Variants in TEP1 observed in about 807,000 individuals in gnomAD.
The protein encoded by TEP1 is telomerase protein component 1.
In TEP1, 241 loss-of-function variants were observed where a neutral mutation model predicts 306.3. The ratio of observed to expected loss-of-function variants is 0.79; its 90% confidence interval spans 0.71 to 0.88. TEP1 has a LOEUF of 0.88. Among genes scored for constraint, TEP1 ranks in the 40% least tolerant of loss-of-function variants. TEP1 has a pLI of 0.00. For synonymous variants in TEP1, 1,289 were observed against 1,305.5 expected (o/e 0.99, Z 0.27); for missense variants, 3,051 against 3,276.1 (o/e 0.93, Z 1.68).
At chr14:20,407,815 G>A (rs1879300965) in intron 2 of TEP1, 58 bp downstream of exon 2, 3 of 1,408,760 alleles carry the variant, frequency 2.1e-6, no homozygotes, top group Non-Finnish European at 2.9e-6. Context: ...CTGAAAGCTA[G>A]AGACAAGAGC....
At chr14:20,404,162 C>G (rs1409812366) in intron 5 of TEP1, among the ~76,000 whole-genome samples, 3 of 152,236 alleles carry the variant, frequency 2.0e-5, no homozygotes, top group Admixed American at 6.5e-5. Context: ...CAAGACCAGC[C>G]TGGCCATCAT....
chr14:20,393,148 T>C (rs774490945), intron 12 of TEP1, among the ~76,000 whole-genome samples: 43 of 150,606 alleles, frequency 2.9e-4, no homozygotes, highest in Admixed American at 9.3e-4. Context: ...ACCCAGGAGG[T>C]GGAGCTTGCA....
rs1375516141 is a variant in TEP1, at chr14:20,365,844, CA to C, written c.*2592del. The C allele has an allele frequency of 6.6e-6, 1 of 152,160 alleles. No individual in the cohort carries two copies. Among genetic ancestry groups the C allele is most frequent in the Non-Finnish European group, 1.5e-5 (1 of 68,022 alleles). The allele number at this position is 152,160 out of a possible 1,614,324, so 9.4% of individuals were successfully genotyped here. The stretch of plus-strand genomic sequence containing the variant: ...GTACCTCTGCTCTAGATTTCAAAAA[CA>C]GATGTGGATATATGTGTAAAAATTT... On this transcript the variant is annotated 3_prime_UTR_variant, in exon 55 of 55. Transcript: ENST00000262715.
intron 8 of TEP1, 76 bp downstream of exon 8, chr14:20,401,381 T>C: frequency 6.3e-7 from 1 of 1,585,206 alleles, no homozygotes; most frequent in Non-Finnish European, 8.6e-7. Flanking sequence ...TGAGAACTAC[T>C]GGGATGGGGG....
chr14:20,380,451 TG>T lies in TEP1; in HGVS notation c.4786del (p.Gln1596LysfsTer15). 6.2e-7 allele frequency: 1 copy of T among 1,613,700 alleles called. No individual in the cohort carries two copies. The highest frequency in any genetic ancestry group is 8.5e-7 in the Non-Finnish European group (1 of 1,179,962). ...LYASSVPKEE[Q>X]KLPEADVAVF... The stretch of plus-strand genomic sequence containing the variant: ...TGCAACGTCAGCCTCGGGGAGCTTT[TG>T]TTCCTCTTTGGGGACTGAAGAAGCT... On this transcript the variant is annotated frameshift_variant, in exon 34 of 55. Coordinates refer to ENST00000262715, the MANE Select transcript of TEP1 (RefSeq NM_007110.5). LOFTEE classifies it high-confidence loss of function.
Position 20,386,215 on chromosome 14 carries a change from G to GA in TEP1, c.2862-21dup, listed in dbSNP as rs1194676968. 4 of 1,613,708 alleles carry GA rather than the reference G, an allele frequency of 2.5e-6. No individual in the cohort carries two copies. The African/African-American group carries it at 5.3e-5, about 22-fold the overall frequency. ...AGTTGTCTGTAGGCATGATGATAGG[G>GA]ACGTGTGGGAGTCACTGGGGGCATG... is the stretch of plus-strand genomic sequence containing the variant. On this transcript the variant is annotated intron_variant, in intron 19 of 54. Coordinates refer to ENST00000262715, the MANE Select transcript of TEP1 (RefSeq NM_007110.5).
intron 49 of TEP1, among the ~76,000 whole-genome samples, 171 bp downstream of exon 49, chr14:20,372,562 C>A (rs1189360778): frequency 2.0e-5 from 3 of 152,106 alleles, no homozygotes; most frequent in Non-Finnish European, 2.9e-5. Context: ...CAAGTAGGCA[C>A]CTGAGAATTA....
chr14:20,369,076 C>T (rs1209903062), intron 53 of TEP1, among the ~76,000 whole-genome samples, 174 bp from the exon 54 acceptor site: 2 of 151,786 alleles, frequency 1.3e-5, no homozygotes, highest in Admixed American at 6.6e-5. Context: ...GGCGCAATCT[C>T]GGCTCACCGC....
intron 1 of TEP1, among the ~76,000 whole-genome samples, chr14:20,410,890 C>T (rs1304355024): frequency 6.9e-6 from 1 of 144,420 alleles, no homozygotes; most frequent in East Asian, 2.2e-4. Flanking sequence ...CGCACAGTCT[C>T]AGCTCACTGC....
chr14:20,378,262 C>T (rs777679304), intron 38 of TEP1, 26 bp from the exon 39 acceptor site: 20 of 1,613,372 alleles, frequency 1.2e-5, no homozygotes, highest in Non-Finnish European at 1.6e-5. Context: ...GAAATGGAAA[C>T]GTGAAGACCT....
At position 20,395,917 on chromosome 14, in the gene TEP1, G is replaced by C; in HGVS notation, c.1692C>G (p.Phe564Leu). ...KSVIHSRQFP[F>L]RFLNAHDAID... is the part of the protein sequence containing the mutation. ...TGGCATCATGGGCGTTAAGAAATCTGAATGGAAACTGCCGACTGTGGATCA... is the reference window on the plus strand; with the variant it reads ...TGGCATCATGGGCGTTAAGAAATCTCAATGGAAACTGCCGACTGTGGATCA... Residue 564 changes from phenylalanine to leucine, a missense_variant, in exon 11 of 55, where the codon TTC becomes TTG. Transcript: ENST00000262715. 1 of 1,614,122 alleles carries C rather than the reference G, an allele frequency of 6.2e-7. No homozygotes were observed. Among genetic ancestry groups the C allele is most frequent in the Non-Finnish European group, 8.5e-7 (1 of 1,180,000 alleles).
intron 18 of TEP1, among the ~76,000 whole-genome samples, chr14:20,387,121 A>G (rs2139090192): frequency 6.6e-6 from 1 of 151,278 alleles, no homozygotes; most frequent in Admixed American, 6.6e-5. Flanking sequence ...TTTAGTAGAG[A>G]CAGGGTTTAG....
At position 20,365,974 on chromosome 14, in the gene TEP1, T is replaced by C. The variant is rs1349912546; in HGVS notation, c.*2463A>G. ...TTATAACTGTAAAACTCATCCAGCC[T>C]TTGGGAGACACTGAAACTCCATTTA... On this transcript the variant is annotated 3_prime_UTR_variant, in exon 55 of 55. Transcript: ENST00000262715. 2 of 152,264 alleles carry C rather than the reference T, an allele frequency of 1.3e-5. No individual in the cohort carries two copies. The highest frequency in any genetic ancestry group is 6.5e-5 in the Admixed American group (1 of 15,286). The allele number at this position is 152,264 out of a possible 1,614,324, so 9.4% of individuals were successfully genotyped here.
In TEP1 at chr14:20,369,373, G is replaced by A. The variant is rs376871567; in HGVS notation, c.7627C>T (p.Pro2543Ser). 3 of 1,613,952 alleles carry A rather than the reference G, an allele frequency of 1.9e-6. No individual in the cohort carries two copies. The highest frequency in any genetic ancestry group is 1.7e-6 in the Non-Finnish European group (2 of 1,179,946). ...SDASMDSEPT[P>S]HLKTRQRRKI... The stretch of plus-strand genomic sequence containing the variant: ...CTACGCTGCCGTGTCTTTAGATGTG[G>A]TGTTGGCTCACTATCCATGCTGGCA... The change falls in exon 53 of 55, where the codon CCA becomes TCA. Residue 2543 changes from proline to serine, a missense_variant. By Grantham distance (74) the Pro-to-Ser change is moderately conservative. Transcript: ENST00000262715.
Position 20,377,614 on chromosome 14 carries a change from T to TAGA in TEP1, c.5858_5860dup (p.Ile1953_Tyr1954insPhe), listed in dbSNP as rs1335459336. 3 of 1,614,004 alleles carry TAGA rather than the reference T, an allele frequency of 1.9e-6. No homozygotes were observed. The Admixed American group carries it at 5.0e-5, about 27-fold the overall frequency. ...CATTTCAGTACCTGAAGAGATTTTG[T>TAGA]AGATCCTAATGCCATCCGCTCGATA... On this transcript the variant is annotated inframe_insertion, in exon 40 of 55. Transcript: ENST00000262715.
Position 20,386,269 on chromosome 14 carries a change from A to T in TEP1, c.2862-74T>A, listed in dbSNP as rs539089748. On this transcript the variant is annotated intron_variant, in intron 19 of 54. Coordinates refer to ENST00000262715, the MANE Select transcript of TEP1 (RefSeq NM_007110.5). ...TCAGGGAACATAGGCACAAACAGGGAGACGGGGCCCTGACTCGCAACTGAG... is the reference window on the plus strand; with the variant it reads ...TCAGGGAACATAGGCACAAACAGGGTGACGGGGCCCTGACTCGCAACTGAG... The T allele has an allele frequency of 3.7e-6, 6 of 1,605,372 alleles. No homozygotes were observed. In the Admixed American group the frequency reaches 1.1e-4, roughly 28 times the overall value.
rs753351570 is a variant in TEP1, at chr14:20,404,751, G to C, written c.892C>G (p.Gln298Glu). 1.1e-5 allele frequency: 17 copies of C among 1,611,832 alleles called. No homozygotes were observed. The highest frequency in any genetic ancestry group is 1.4e-5 in the Non-Finnish European group (17 of 1,178,746). ...ILKASLYARQ[Q>E]LNVRNVANNI... ...TTGGCCACATTCCGGACGTTCAGCT[G>C]CTGCCTGGCATACAAAGATGCCTAG... The change falls in exon 5 of 55, where the codon CAG (glutamine) becomes GAG (glutamate). Residue 298 changes from glutamine to glutamate, a missense_variant. By Grantham distance (29) the Gln-to-Glu change is conservative. This residue lies in a region of TEP1 where 1,507 missense variants were observed against 1,550.5 expected (regional missense o/e 0.97). Transcript: ENST00000262715.
At chr14:20,404,067 G>A (rs574369490) in intron 5 of TEP1, among the ~76,000 whole-genome samples, 183 bp from the exon 6 acceptor site, 72 of 152,296 alleles carry the variant, frequency 4.7e-4, no homozygotes, top group African/African-American at 1.7e-3. Context: ...ATGAGGTCCT[G>A]GCTGGGCAGG....
chr14:20,403,473 C>CA (rs1274460356), intron 6 of TEP1, 25 bp from the exon 7 acceptor site: 5 of 1,609,748 alleles, frequency 3.1e-6, no homozygotes, highest in Admixed American at 1.7e-5. Context: ...GAAGCAATTT[C>CA]AAAAAAAGGG....
Sources: allele counts gnomAD v4.1 joint callset (sites outside exome capture counted in the v4.1 genomes callset), GRCh38; gene constraint gnomAD v4.1.1; regional missense constraint gnomAD v4.1.1; transcripts MANE v1.5; gene names NCBI Gene and HGNC (gene_info 2026-07-23, HGNC 2026-07-21).